PSD3: variants seen among roughly 807,000 people sequenced by gnomAD.
PSD3 encodes the protein PH and SEC7 domain-containing protein 3.
In PSD3, 49 loss-of-function variants were observed where a neutral mutation model predicts 105.5. That is an observed-to-expected ratio of 0.46 (90% CI 0.37 to 0.59). The LOEUF (loss-of-function observed/expected upper bound fraction) is 0.59. Ranked by LOEUF, PSD3 falls within the 20% of genes least tolerant of loss-of-function variation. The pLI is 0.00. For synonymous variants in PSD3, 557 were observed against 457.8 expected (o/e 1.22, Z -2.77); for missense variants, 1,561 against 1,263.8 (o/e 1.24, Z -3.57).
chr8:18,625,944 T>C (rs1806442853), intron 11 of PSD3, among the ~76,000 whole-genome samples: 1 of 152,172 alleles, frequency 6.6e-6, no homozygotes, highest in Non-Finnish European at 1.5e-5. Flanking sequence ...TCTTTCTTGA[T>C]TTCCACAAGT....
intron 4 of PSD3, among the ~76,000 whole-genome samples, chr8:18,835,306 A>T (rs1270479393): frequency 6.6e-6 from 1 of 152,030 alleles, no homozygotes; most frequent in Non-Finnish European, 1.5e-5. Flanking sequence ...TTTACAACAT[A>T]TCACTGTTTT....
At chr8:18,885,420 A>G (rs1042037586) in intron 2 of PSD3, among the ~76,000 whole-genome samples, 1 of 152,218 alleles carries the variant, frequency 6.6e-6, no homozygotes, top group African/African-American at 2.4e-5. Flanking sequence ...TTTCGTATAT[A>G]TGTAGGAAAT....
chr8:18,943,351 T>C (rs149408118), intron 1 of PSD3, among the ~76,000 whole-genome samples: 1 of 152,200 alleles, frequency 6.6e-6, no homozygotes, highest in South Asian at 2.1e-4. Flanking sequence ...AAAATAAATA[T>C]ACACATTTGC....
rs755470533 is a variant in PSD3, at chr8:18,804,912, TAAAG to T, written c.1635-18_1635-15del. The stretch of plus-strand genomic sequence containing the variant: ...ACCCCAGCATTGCTATGATAATTGA[TAAAG>T]AGAGAAAATAATAGATTTTTCTTAT... On this transcript the variant is annotated splice_polypyrimidine_tract_variant and intron_variant, in intron 4 of 15. Transcript: ENST00000327040. 1.3e-5 allele frequency: 21 copies of T among 1,556,102 alleles called. No homozygotes were observed. The East Asian group carries it at 2.7e-4, about 20-fold the overall frequency.
intron 9 of PSD3, among the ~76,000 whole-genome samples, 179 bp from the exon 10 acceptor site, chr8:18,655,864 C>T (rs775535611): frequency 2.6e-5 from 4 of 152,226 alleles, no homozygotes; most frequent in African/African-American, 4.8e-5. Context: ...GGGTGAACAA[C>T]GAACGTTTCA....
At chr8:18,867,153 T>C (rs1319035540) in intron 4 of PSD3, among the ~76,000 whole-genome samples, 1 of 152,184 alleles carries the variant, frequency 6.6e-6, no homozygotes, top group Non-Finnish European at 1.5e-5. Flanking sequence ...CAAGCATCTG[T>C]CTAATCGGAT....
Position 18,796,099 on chromosome 8 carries a change from A to C in PSD3, c.2082+3196T>G, listed in dbSNP as rs539701701. On this transcript the variant is annotated intron_variant, in intron 8 of 15. Coordinates refer to ENST00000327040, the MANE Select transcript of PSD3 (RefSeq NM_015310.4). ...ATAAACTACTTGCAGACAAGTAAAA[A>C]CAAGTAGATACTCTTGCTAGGAAAA... 2.6e-5 allele frequency among the ~76,000 whole-genome samples: 4 copies of C among 152,336 alleles called. No individual in the cohort carries two copies. In the South Asian group the frequency reaches 8.3e-4, roughly 32 times the overall value.
chr8:18,548,874 A>G (rs1800601238), intron 15 of PSD3, among the ~76,000 whole-genome samples: 1 of 152,180 alleles, frequency 6.6e-6, no homozygotes, highest in African/African-American at 2.4e-5. Context: ...ATGGAGGTCT[A>G]CAGAGTAGTT....
At chr8:18,704,988 A>G (rs1801804483) in intron 9 of PSD3, among the ~76,000 whole-genome samples, 3 of 152,178 alleles carry the variant, frequency 2.0e-5, no homozygotes, top group African/African-American at 7.2e-5. Context: ...TAAGAAAAAT[A>G]AAAATTAACT....
chr8:19,049,931 T>C (rs1586668199), intron 1 of PSD3, among the ~76,000 whole-genome samples: 1 of 152,110 alleles, frequency 6.6e-6, no homozygotes, highest in East Asian at 1.9e-4. Flanking sequence ...AAACCAATCA[T>C]GACAAGGGAA....
rs545771462 is a variant in PSD3 at position 18,876,608 on chromosome 8, C to T, written c.131-3875G>A. ...AGAGATGGGGTTCCACCATGTTGCCCAGGCTAGTCTTGAACTCCTGGGCTC... is the reference window on the plus strand; with the variant it reads ...AGAGATGGGGTTCCACCATGTTGCCTAGGCTAGTCTTGAACTCCTGGGCTC... On this transcript the variant is annotated intron_variant, in intron 2 of 15. Transcript: ENST00000327040. 5.3e-5 allele frequency among the ~76,000 whole-genome samples: 8 copies of T among 152,150 alleles called. No individual in the cohort carries two copies. The East Asian group carries it at 1.5e-3, about 29-fold the overall frequency.
intron 14 of PSD3, among the ~76,000 whole-genome samples, chr8:18,564,564 G>C (rs899453790): frequency 2.0e-5 from 3 of 151,470 alleles, no homozygotes; most frequent in African/African-American, 7.3e-5. Context: ...GGGAGGTGGA[G>C]GTTGCAGTGA....
In PSD3 at chr8:18,804,570, T is replaced by A. The variant is rs1586063743; in HGVS notation, c.1862A>T (p.Tyr621Phe). The A allele has an allele frequency of 6.2e-7, 1 of 1,613,756 alleles. No individual in the cohort carries two copies. Among genetic ancestry groups the A allele is most frequent in the East Asian group, 2.2e-5 (1 of 44,880 alleles). ...TCCTGTAAAATCAAAAAACTTCAGA[T>A]ATTCTTCTGCAACTAGTTTGCTAAA... ...NEFSKLVAEE[Y>F]LKFFDFTGMT... The change falls in exon 6 of 16, where the codon TAT (tyrosine) becomes TTT (phenylalanine). Residue 621 changes from tyrosine to phenylalanine, a missense_variant. Transcript: ENST00000327040.
At chr8:19,071,116 A>G (rs997567602) in intron 1 of PSD3, among the ~76,000 whole-genome samples, 4 of 151,792 alleles carry the variant, frequency 2.6e-5, no homozygotes, top group African/African-American at 9.7e-5. Flanking sequence ...CTGGAGAGCA[A>G]TGGTGCAATC....
intron 11 of PSD3, among the ~76,000 whole-genome samples, chr8:18,613,263 C>G (rs1374179858): frequency 6.6e-6 from 1 of 152,086 alleles, no homozygotes. Context: ...ACCCTTTTCC[C>G]CAAATGATTC....
intron 1 of PSD3, among the ~76,000 whole-genome samples, chr8:19,040,649 G>A (rs1409643150): frequency 1.3e-5 from 2 of 152,204 alleles, no homozygotes; most frequent in Non-Finnish European, 2.9e-5. Context: ...GTGACAGCAG[G>A]AAGACTGCTT....
In PSD3 at chr8:18,536,070, G is replaced by A. The variant is rs1456725118; in HGVS notation, c.2929-112C>T. On this transcript the variant is annotated intron_variant, in intron 15 of 15. Transcript: ENST00000327040. ...AGTGTGAATGGCTGTTGAAGACTTC[G>A]CTTCATTTCCCAAACTGACAAATTA... 8.8e-6 allele frequency: 9 copies of A among 1,026,568 alleles called. 1 individual carries two copies. The highest frequency in any genetic ancestry group is 2.7e-4 in the Middle Eastern group (1 of 3,692). 63.6% of individuals were successfully genotyped at this position (1,026,568 alleles called of 1,614,324 possible). A position where few individuals can be genotyped will look rare whatever the true frequency, so the allele number is the denominator to read the frequency against.
intron 4 of PSD3, among the ~76,000 whole-genome samples, chr8:18,844,103 A>G (rs1814879796): frequency 1.3e-5 from 2 of 152,104 alleles, no homozygotes; most frequent in African/African-American, 2.4e-5. Context: ...AAATTTTAAC[A>G]TAATTATGGG....
rs758394922 is a variant in PSD3 at position 18,871,969 on chromosome 8, CAT to C, written c.893_894del (p.His298ArgfsTer25). 57 of 1,614,054 alleles carry C rather than the reference CAT, an allele frequency of 3.5e-5. No homozygotes were observed. Among genetic ancestry groups the C allele is most frequent in the Middle Eastern group, 1.6e-4 (1 of 6,084 alleles). ...SSMGRPGRVK[H>X]VEFQGVEILW... Reference sequence around the variant, plus strand: ...AGTATTTCCACTCCTTGAAATTCCACATGTTTGACCCGGCCTGGGCGTCCCAT... The same window carrying C: ...AGTATTTCCACTCCTTGAAATTCCACGTTTGACCCGGCCTGGGCGTCCCAT... On this transcript the variant is annotated frameshift_variant, in exon 3 of 16. Coordinates refer to ENST00000327040, the MANE Select transcript of PSD3 (RefSeq NM_015310.4). LOFTEE classifies it high-confidence loss of function.
Sources: allele counts gnomAD v4.1 joint callset (sites outside exome capture counted in the v4.1 genomes callset), GRCh38; gene constraint gnomAD v4.1.1; transcripts MANE v1.5; gene names NCBI Gene and HGNC (gene_info 2026-07-23, HGNC 2026-07-21).